CEMIP: variants seen among roughly 807,000 people sequenced by gnomAD.
CEMIP encodes the protein cell migration-inducing and hyaluronan-binding protein.
In CEMIP, 105 loss-of-function variants were observed where a neutral mutation model predicts 156.9. That is an observed-to-expected ratio of 0.67 (90% confidence interval 0.57 to 0.79). The LOEUF is 0.79. CEMIP is among the 30% of genes least tolerant of loss of function. The probability of loss-of-function intolerance (pLI) is 0.00; values close to 1 mark genes in which losing one functional copy is unlikely to be tolerated. For synonymous variants in CEMIP, 676 were observed against 668.4 expected (o/e 1.01, Z -0.17); for missense variants, 1,457 against 1,769.4 (o/e 0.82, Z 3.17).
At chr15:80,900,105 C>G (rs1352674043) in intron 12 of CEMIP, among the ~76,000 whole-genome samples, 1 of 152,184 alleles carries the variant, frequency 6.6e-6, no homozygotes, top group East Asian at 1.9e-4. Flanking sequence ...GGTGGGTCAC[C>G]CCAAGGCCTG....
At chr15:80,892,617 G>A (rs1034988758) in intron 10 of CEMIP, among the ~76,000 whole-genome samples, 4 of 152,160 alleles carry the variant, frequency 2.6e-5, no homozygotes, top group Non-Finnish European at 4.4e-5. Flanking sequence ...TCTACCACTT[G>A]TGAGCTTTGG....
chr15:80,800,424 A>T (rs911646863), intron 1 of CEMIP, among the ~76,000 whole-genome samples: 2 of 152,164 alleles, frequency 1.3e-5, no homozygotes, highest in Non-Finnish European at 2.9e-5. Flanking sequence ...ATGAATGAAT[A>T]AAATCATTAA....
rs1046318428 is a variant in CEMIP, at chr15:80,895,059, G to A, written c.1156G>A (p.Ala386Thr). 1.9e-6 allele frequency: 3 copies of A among 1,614,104 alleles called. No individual in the cohort carries two copies. Among genetic ancestry groups the A allele is most frequent in the Admixed American group, 1.7e-5 (1 of 60,010 alleles). The change falls in exon 11 of 30, where the codon GCT becomes ACT. Residue 386 changes from alanine (A) to threonine (T), a missense_variant. By Grantham distance (58) the Ala-to-Thr change is moderately conservative (BLOSUM62 0). Around this residue, in one of 5 missense-constraint regions of CEMIP, gnomAD observed 280 missense variants for 300.3 expected, o/e 0.93. Coordinates refer to ENST00000394685, the MANE Select transcript of CEMIP (RefSeq NM_001293298.2). ...CAAAAAAGGCCAGGATTATAGGTTT[G>A]CTTGCTACGACCGGGGCAGAGCCTG... ...VYKKGQDYRFACYDRGRACRS... is the reference protein window; with the variant it reads ...VYKKGQDYRFTCYDRGRACRS...
intron 19 of CEMIP, among the ~76,000 whole-genome samples, chr15:80,927,021 G>A (rs1043989596): frequency 4.6e-5 from 7 of 152,138 alleles, no homozygotes; most frequent in Non-Finnish European, 7.4e-5. Context: ...AGTAGAGACG[G>A]GGTTTCACCA....
In CEMIP at chr15:80,930,346, G is replaced by A. The variant is rs142061530; in HGVS notation, c.2612+1172G>A. 3.3e-3 allele frequency among the ~76,000 whole-genome samples: 508 copies of A among 152,296 alleles called. 1 individual carries two copies. The highest frequency in any genetic ancestry group is 5.2e-3 in the Non-Finnish European group (355 of 68,034). ...CACGTTCAAGGTTTCTTTGCCAAGG[G>A]TTACCAGCCTCCCGGGGCCAGAATG... On this transcript the variant is annotated intron_variant, in intron 21 of 29. Transcript: ENST00000394685.
chr15:80,933,552 A>G, intron 23 of CEMIP, 92 bp downstream of exon 23: 1 of 975,942 alleles, frequency 1.0e-6, no homozygotes, highest in Non-Finnish European at 1.5e-6. Context: ...GCTCTGTTTC[A>G]GGCCAGAAAG....
chr15:80,859,768 T>G (rs997252697), intron 1 of CEMIP, among the ~76,000 whole-genome samples: 1 of 152,208 alleles, frequency 6.6e-6, no homozygotes, highest in African/African-American at 2.4e-5. Context: ...GTCGGAAGTA[T>G]TGGGATAGTG....
At chr15:80,830,782 G>A (rs1897140439) in intron 1 of CEMIP, among the ~76,000 whole-genome samples, 1 of 152,066 alleles carries the variant, frequency 6.6e-6, no homozygotes, top group African/African-American at 2.4e-5. Flanking sequence ...AGATAGCAAG[G>A]TGTGGAGGAT....
chr15:80,924,783 A>G (rs1172294847), intron 18 of CEMIP, 77 bp downstream of exon 18: 32 of 1,224,790 alleles, frequency 2.6e-5, no homozygotes, highest in Non-Finnish European at 3.6e-5. Flanking sequence ...TCAATCACTC[A>G]TTCATTCCCT....
chr15:80,923,854 G>A (rs1464985585), intron 17 of CEMIP, among the ~76,000 whole-genome samples: 1 of 152,164 alleles, frequency 6.6e-6, no homozygotes, highest in Non-Finnish European at 1.5e-5. Context: ...GAAGGGACTT[G>A]CCCAGTCATA....
rs573643796 is a variant in CEMIP, at chr15:80,828,569, T to C, written c.-175-44969T>C. On this transcript the variant is annotated intron_variant, in intron 1 of 29. Coordinates refer to ENST00000394685, the MANE Select transcript of CEMIP (RefSeq NM_001293298.2). Reference sequence around the variant, plus strand: ...TTGTTCATTCCTTAGAATAAACCTATGGCTAATCATTTGTAAAGTGAATAT... The same window carrying C: ...TTGTTCATTCCTTAGAATAAACCTACGGCTAATCATTTGTAAAGTGAATAT... 1.8e-3 allele frequency among the ~76,000 whole-genome samples: 280 copies of C among 152,372 alleles called. 3 individuals carry two copies. Among genetic ancestry groups the C allele is most frequent in the Non-Finnish European group, 2.0e-3 (133 of 68,036 alleles).
chr15:80,888,945 T>A (rs1898943025), intron 9 of CEMIP, 149 bp downstream of exon 9: 1 of 764,714 alleles, frequency 1.3e-6, no homozygotes, highest in Non-Finnish European at 2.3e-6. Flanking sequence ...CCAAAAGTTG[T>A]CTTTAATTAG....
chr15:80,834,074 G>A (rs982759379), intron 1 of CEMIP, among the ~76,000 whole-genome samples: 1 of 152,116 alleles, frequency 6.6e-6, no homozygotes, highest in Non-Finnish European at 1.5e-5. Flanking sequence ...CATCCACTAG[G>A]TGCCAATAGC....
chr15:80,907,124 A>G (rs140337020), intron 13 of CEMIP, among the ~76,000 whole-genome samples: 1 of 152,242 alleles, frequency 6.6e-6, no homozygotes, highest in Non-Finnish European at 1.5e-5. Flanking sequence ...CATTGCCTTC[A>G]TTCCTTGTCT....
intron 1 of CEMIP, among the ~76,000 whole-genome samples, chr15:80,796,144 G>T (rs1308244844): frequency 6.6e-6 from 1 of 152,066 alleles, no homozygotes; most frequent in Non-Finnish European, 1.5e-5. Flanking sequence ...TATTTATTTA[G>T]CTGTTTTTGA....
At chr15:80,785,439 C>T (rs1050274533) in intron 1 of CEMIP, among the ~76,000 whole-genome samples, 3 of 152,164 alleles carry the variant, frequency 2.0e-5, no homozygotes, top group Non-Finnish European at 2.9e-5. Flanking sequence ...CGTCACCCAC[C>T]GCCACAATCG....
intron 28 of CEMIP, among the ~76,000 whole-genome samples, chr15:80,944,419 A>C (rs1901461029): frequency 6.6e-6 from 1 of 152,248 alleles, no homozygotes; most frequent in South Asian, 2.1e-4. Flanking sequence ...TTTCTAGCAC[A>C]GAACATGGCT....
intron 14 of CEMIP, among the ~76,000 whole-genome samples, chr15:80,919,643 C>G (rs1900398795): frequency 1.3e-5 from 2 of 152,190 alleles, no homozygotes; most frequent in African/African-American, 2.4e-5. Context: ...GAAACCCAGT[C>G]TCTACTGAAA....
intron 1 of CEMIP, among the ~76,000 whole-genome samples, chr15:80,793,386 T>A (rs147213613): frequency 6.6e-6 from 1 of 152,230 alleles, no homozygotes; most frequent in Non-Finnish European, 1.5e-5. Flanking sequence ...AACACGAGGT[T>A]AAGTCTTCTG....
Sources: allele counts gnomAD v4.1 joint callset (sites outside exome capture counted in the v4.1 genomes callset), GRCh38; gene constraint gnomAD v4.1.1; regional missense constraint gnomAD v4.1.1; transcripts MANE v1.5; gene names NCBI Gene and HGNC (gene_info 2026-07-23, HGNC 2026-07-21).